NTRK3: variants seen among roughly 807,000 people sequenced by gnomAD.
The protein encoded by NTRK3 is neurotrophic receptor tyrosine kinase 3.
NTRK3 carries 24 observed loss-of-function variants against 91.7 expected under a neutral mutation model. That is an observed-to-expected ratio of 0.26 (90% CI 0.19 to 0.37). The LOEUF (loss-of-function observed/expected upper bound fraction) is 0.37. NTRK3 is among the 10% of genes least tolerant of loss of function. NTRK3 has a pLI of 1.00. For synonymous variants in NTRK3, 483 were observed against 404.0 expected, an observed-to-expected ratio of 1.20 and a Z score of -2.34; for missense variants, 880 against 1,068.9, an observed-to-expected ratio of 0.82 and a Z score of 2.46.
chr15:88,057,325 C>A (rs1360895316), intron 13 of NTRK3, among the ~76,000 whole-genome samples: 1 of 151,306 alleles, frequency 6.6e-6, no homozygotes, highest in Non-Finnish European at 1.5e-5. Flanking sequence ...GGCGAAACCC[C>A]GTTTCCACTA....
At chr15:88,217,611 G>T (rs987460717) in intron 3 of NTRK3, among the ~76,000 whole-genome samples, 1 of 152,204 alleles carries the variant, frequency 6.6e-6, no homozygotes, top group African/African-American at 2.4e-5. Flanking sequence ...AAATGAGGAA[G>T]AGTTGTTGTT....
chr15:88,256,421 C>A, exon 2 of NTRK3: 1 of 548,448 alleles, frequency 1.8e-6, no homozygotes, highest in Non-Finnish European at 3.2e-6. Flanking sequence ...TGGTGGCCGG[C>A]TCGGCGATCG....
At chr15:87,965,816 G>A (rs762238215) in intron 14 of NTRK3, among the ~76,000 whole-genome samples, 3 of 152,214 alleles carry the variant, frequency 2.0e-5, no homozygotes, top group Non-Finnish European at 4.4e-5. Context: ...GGTGGCTCAT[G>A]TGTGTAATCC....
At chr15:87,922,462 T>C (rs2067954309) in intron 17 of NTRK3, among the ~76,000 whole-genome samples, 1 of 152,208 alleles carries the variant, frequency 6.6e-6, no homozygotes, top group Admixed American at 6.5e-5. Flanking sequence ...TGGATCTCTG[T>C]CTTGTTCTCT....
intron 15 of NTRK3, among the ~76,000 whole-genome samples, chr15:87,939,896 A>G (rs543859332): frequency 4.6e-5 from 7 of 152,324 alleles, no homozygotes; most frequent in Admixed American, 3.9e-4. Context: ...AAGAGTCTGG[A>G]AGGACAACTA....
At chr15:88,035,928 T>C (rs1437442794) in intron 13 of NTRK3, among the ~76,000 whole-genome samples, 1 of 151,662 alleles carries the variant, frequency 6.6e-6, no homozygotes, top group Non-Finnish European at 1.5e-5. Context: ...GAGTGGAAGA[T>C]AAAGCCAAGA....
In NTRK3 at chr15:87,895,263, G is replaced by A. The variant is rs141391439; in HGVS notation, c.2134-14835C>T. On this transcript the variant is annotated intron_variant, in intron 17 of 18. Coordinates refer to ENST00000394480, the Ensembl canonical transcript of NTRK3. ...TCTGGTTATTGTTTTTAATGTAAAT[G>A]TACTACTGTACTATAGCATACATAC... Among the ~76,000 whole-genome samples the A allele has an allele frequency of 1.2e-3, 180 of 152,258 alleles. 1 individual carries two copies. The highest frequency in any genetic ancestry group is 4.1e-3 in the African/African-American group (171 of 41,550).
intron 13 of NTRK3, among the ~76,000 whole-genome samples, chr15:88,115,296 G>C (rs187500546): frequency 6.6e-6 from 1 of 152,172 alleles, no homozygotes; most frequent in Admixed American, 6.5e-5. Context: ...ACAAAGCAGC[G>C]GGCTGGTGCT....
At chr15:88,247,156 G>A (rs573141450) in intron 3 of NTRK3, among the ~76,000 whole-genome samples, 1 of 152,344 alleles carries the variant, frequency 6.6e-6, no homozygotes, top group South Asian at 2.1e-4. Flanking sequence ...TCCCGCGGCA[G>A]GTAGCCGGGT....
intron 3 of NTRK3, among the ~76,000 whole-genome samples, chr15:88,192,670 C>G (rs1417131747): frequency 6.6e-6 from 1 of 152,186 alleles, no homozygotes; most frequent in Non-Finnish European, 1.5e-5. Flanking sequence ...GCCTCTAGGG[C>G]TCCTTCTCTG....
intron 14 of NTRK3, among the ~76,000 whole-genome samples, chr15:87,952,234 GAAAAGA>G (rs762828220): frequency 1.8e-4 from 27 of 149,420 alleles, no homozygotes; most frequent in Middle Eastern, 3.4e-3. Context: ...AGAAAGAAAA[GAAAAGA>G]AAAAGAAAGA....
chr15:87,882,455 T>C (rs1180586670), intron 17 of NTRK3, among the ~76,000 whole-genome samples: 1 of 152,178 alleles, frequency 6.6e-6, no homozygotes, highest in African/African-American at 2.4e-5. Context: ...ATTTGAATAA[T>C]GGTTGTTAAT....
At position 87,950,810 on chromosome 15, in the gene NTRK3, G is replaced by T. The variant is rs76564403; in HGVS notation, c.1586-10057C>A. On this transcript the variant is annotated intron_variant, in intron 14 of 18. Transcript: ENST00000394480. ...TCTCACCTGCTCTCTGCTCAAACCT[G>T]CAAGGATTCTCCCTTATTATTGTTA... Among the ~76,000 whole-genome samples, 899 of 152,262 alleles carry T rather than the reference G, an allele frequency of 5.9e-3. 16 individuals carry two copies. Among genetic ancestry groups the T allele is most frequent in the East Asian group, 0.032 (166 of 5,178 alleles).
intron 13 of NTRK3, among the ~76,000 whole-genome samples, chr15:88,067,977 T>C (rs17755433): frequency 0.18 from 26,812 of 152,162 alleles, 2,997 homozygotes; most frequent in Non-Finnish European, 0.25. Flanking sequence ...AGGATCCACA[T>C]CTTACGGGCT....
At chr15:87,948,984 G>A (rs1034281532) in intron 14 of NTRK3, among the ~76,000 whole-genome samples, 1 of 152,152 alleles carries the variant, frequency 6.6e-6, no homozygotes, top group Non-Finnish European at 1.5e-5. Flanking sequence ...AAGTCAAAAG[G>A]CCAAAAGTCA....
chr15:88,155,840 CTATCTATA>C (rs2043842006), intron 5 of NTRK3, among the ~76,000 whole-genome samples: 1 of 149,650 alleles, frequency 6.7e-6, no homozygotes, highest in Non-Finnish European at 1.5e-5. Context: ...ATCTATCTAT[CTATCTATA>C]TAAATGAGGT....
intron 13 of NTRK3, among the ~76,000 whole-genome samples, chr15:88,114,254 T>G (rs2051782255): frequency 6.6e-6 from 1 of 152,176 alleles, no homozygotes; most frequent in African/African-American, 2.4e-5. Flanking sequence ...GCTTTGTTTT[T>G]AAGGTTCAAT....
rs143932745 is a variant in NTRK3 at position 88,134,742 on chromosome 15, G to A, written c.1204+359C>T. Among the ~76,000 whole-genome samples the A allele has an allele frequency of 2.6e-3, 400 of 152,298 alleles. 7 individuals are homozygous for A. In the East Asian group the frequency reaches 0.031, roughly 12 times the overall value. On this transcript the variant is annotated intron_variant, in intron 10 of 18. Coordinates refer to ENST00000394480, the Ensembl canonical transcript of NTRK3. ...TAATCATGACTATTTCATAGAAAAG[G>A]AAATTGATGCTTAGAAAAGCAAACT...
At chr15:87,964,448 ATATT>A (rs561288896) in intron 14 of NTRK3, among the ~76,000 whole-genome samples, 44 of 151,564 alleles carry the variant, frequency 2.9e-4, no homozygotes, top group East Asian at 2.5e-3. Context: ...TTTATTTTAC[ATATT>A]TATTATATAA....
Sources: gnomAD v4.1 joint callset for allele counts (sites outside exome capture counted in the v4.1 genomes callset) on GRCh38, gnomAD v4.1.1 for gene constraint, MANE v1.5 for transcripts, NCBI Gene and HGNC (gene_info 2026-07-23, HGNC 2026-07-21) for gene names.